Variants in ROBO1 observed in about 807,000 individuals in gnomAD.
ROBO1 encodes the protein roundabout guidance receptor 1.
Under a neutral mutation model 195.9 loss-of-function variants are expected in ROBO1, and 149 were observed. That is an observed-to-expected ratio of 0.76 (90% CI 0.67 to 0.87). ROBO1 has a LOEUF of 0.87. ROBO1 is among the 40% of genes least tolerant of loss of function. The pLI is 0.00. For missense variants in ROBO1, 1,933 were observed against 2,068.3 expected (o/e 0.93, Z 1.27); for synonymous variants, 816 against 733.2 (o/e 1.11, Z -1.82).
chr3:78,989,083 C>G (rs1056507376), intron 3 of ROBO1, among the ~76,000 whole-genome samples: 1 of 152,084 alleles, frequency 6.6e-6, no homozygotes, highest in Non-Finnish European at 1.5e-5. Flanking sequence ...TTCTGGCATT[C>G]TATACCACTG....
intron 28 of ROBO1, among the ~76,000 whole-genome samples, chr3:78,610,076 T>C (rs759746055): frequency 4.6e-5 from 7 of 152,192 alleles, no homozygotes; most frequent in Non-Finnish European, 8.8e-5. Flanking sequence ...GTGGTTTTCA[T>C]GGCTTACCAT....
intron 1 of ROBO1, among the ~76,000 whole-genome samples, chr3:79,766,104 TAGA>T (rs72361123): frequency 0.34 from 51,896 of 151,332 alleles, 9,540 homozygotes; most frequent in African/African-American, 0.49. Context: ...CCTTCATCTA[TAGA>T]AGGAGCCTCC....
At chr3:79,634,025 G>A (rs375025894) in intron 1 of ROBO1, among the ~76,000 whole-genome samples, 3 of 152,158 alleles carry the variant, frequency 2.0e-5, no homozygotes, top group African/African-American at 4.8e-5. Flanking sequence ...GGAGGAAAGA[G>A]TGAGTTTGAA....
chr3:79,394,611 G>A (rs1045264895), intron 2 of ROBO1, among the ~76,000 whole-genome samples: 3 of 151,980 alleles, frequency 2.0e-5, no homozygotes, highest in African/African-American at 4.8e-5. Context: ...AGATATAAGA[G>A]TATTGTGCTT....
chr3:79,190,909 T>C (rs1267680196), intron 2 of ROBO1, among the ~76,000 whole-genome samples: 1 of 151,586 alleles, frequency 6.6e-6, no homozygotes, highest in Non-Finnish European at 1.5e-5. Flanking sequence ...CCCTTTAAGC[T>C]GTTTATAACA....
chr3:79,377,664 C>T (rs6798357), intron 2 of ROBO1, among the ~76,000 whole-genome samples: 88,895 of 151,918 alleles, frequency 0.59, 26,185 homozygotes, highest in African/African-American at 0.62. Flanking sequence ...ATTTTCACTT[C>T]GTAATTCATC....
At chr3:79,158,311 TATATC>T (rs1158902086) in intron 2 of ROBO1, among the ~76,000 whole-genome samples, 5 of 150,852 alleles carry the variant, frequency 3.3e-5, no homozygotes, top group African/African-American at 1.2e-4. Flanking sequence ...AATGATAAAA[TATATC>T]ATATATTTTT....
In ROBO1 at chr3:79,353,202, G is replaced by T. The variant is rs145483562; in HGVS notation, c.89-227663C>A. ...TATTCAATCTCAAAATGTTTAGTTA[G>T]TGACTATTAGATATGATGTATTGTT... On this transcript the variant is annotated intron_variant, in intron 2 of 30. Transcript: ENST00000464233. Among the ~76,000 whole-genome samples the T allele has an allele frequency of 1.8e-3, 280 of 152,158 alleles. 1 individual carries two copies. Among genetic ancestry groups the T allele is most frequent in the Non-Finnish European group, 3.4e-3 (233 of 68,014 alleles).
Position 79,488,582 on chromosome 3 carries a change from G to A in ROBO1, c.88+101242C>T, listed in dbSNP as rs186665002. Among the ~76,000 whole-genome samples, 60 of 152,138 alleles carry A rather than the reference G, an allele frequency of 3.9e-4. No homozygotes were observed. In the East Asian group the frequency reaches 8.7e-3, roughly 22 times the overall value. On this transcript the variant is annotated intron_variant, in intron 2 of 30. Coordinates refer to ENST00000464233, the MANE Select transcript of ROBO1 (RefSeq NM_002941.4). ...AGAAATCATAAAAACCAAAGTACTCGTCTATGGTATGATTTTTAAAAATCT... is the reference window on the plus strand; with the variant it reads ...AGAAATCATAAAAACCAAAGTACTCATCTATGGTATGATTTTTAAAAATCT...
intron 19 of ROBO1, 101 bp downstream of exon 19, chr3:78,651,631 A>C: frequency 1.1e-6 from 1 of 925,388 alleles, no homozygotes; most frequent in South Asian, 2.4e-5. Context: ...TATTAAAACA[A>C]GTTTTAGAGG....
intron 2 of ROBO1, among the ~76,000 whole-genome samples, chr3:79,149,595 G>A (rs1304096590): frequency 6.6e-6 from 1 of 151,670 alleles, no homozygotes; most frequent in Non-Finnish European, 1.5e-5. Context: ...TGTATTAGGT[G>A]AAAGGGACTC....
intron 3 of ROBO1, among the ~76,000 whole-genome samples, chr3:79,054,906 A>T (rs2078774430): frequency 6.6e-6 from 1 of 152,158 alleles, no homozygotes; most frequent in African/African-American, 2.4e-5. Flanking sequence ...CGCAGCCTCC[A>T]GCACAAACAA....
intron 19 of ROBO1, among the ~76,000 whole-genome samples, chr3:78,650,011 C>T (rs189984879): frequency 6.6e-6 from 1 of 152,214 alleles, no homozygotes; most frequent in Admixed American, 6.6e-5. Flanking sequence ...ATTTGCAAAA[C>T]AGAGTTCATG....
At chr3:79,272,937 AG>A (rs2030695855) in intron 2 of ROBO1, among the ~76,000 whole-genome samples, 1 of 152,128 alleles carries the variant, frequency 6.6e-6, no homozygotes, top group Non-Finnish European at 1.5e-5. Flanking sequence ...CTCACAGGCC[AG>A]GGGAGAATGG....
At chr3:78,986,980 T>C (rs1454050247) in intron 3 of ROBO1, among the ~76,000 whole-genome samples, 1 of 152,138 alleles carries the variant, frequency 6.6e-6, no homozygotes, top group Non-Finnish European at 1.5e-5. Flanking sequence ...TATCTCTTTG[T>C]TTTCTTAAAC....
At chr3:79,070,632 T>G (rs180870829) in intron 3 of ROBO1, among the ~76,000 whole-genome samples, 29 of 151,944 alleles carry the variant, frequency 1.9e-4, no homozygotes, top group African/African-American at 6.0e-4. Flanking sequence ...TTTGTGAGGT[T>G]GTTGTATTTT....
chr3:79,084,643 CG>C (rs2079334845), intron 3 of ROBO1, among the ~76,000 whole-genome samples: 1 of 152,114 alleles, frequency 6.6e-6, no homozygotes, highest in African/African-American at 2.4e-5. Flanking sequence ...CTATTATTAT[CG>C]TTTAGCTATA....
Position 78,673,591 on chromosome 3 carries a change from T to C in ROBO1, c.1343-3290A>G, listed in dbSNP as rs1346678850. Among the ~76,000 whole-genome samples the C allele has an allele frequency of 1.6e-4, 14 of 89,804 alleles. No homozygotes were observed. In the East Asian group the frequency reaches 2.5e-3, roughly 16 times the overall value. The allele number at this position is 89,804 out of a possible 152,430, so 58.9% of individuals were successfully genotyped here. ...ATATATATATATATATATATATATATATATATATATATATACACACATATA... is the reference window on the plus strand; with the variant it reads ...ATATATATATATATATATATATATACATATATATATATATACACACATATA... On this transcript the variant is annotated intron_variant, in intron 10 of 30. Coordinates refer to ENST00000464233, the MANE Select transcript of ROBO1 (RefSeq NM_002941.4).
At position 78,717,356 on chromosome 3, in the gene ROBO1, G is replaced by T; in HGVS notation, c.836C>A (p.Ala279Glu). The T allele has an allele frequency of 6.2e-7, 1 of 1,613,252 alleles. No homozygotes were observed. Among genetic ancestry groups the T allele is most frequent in the Non-Finnish European group, 8.5e-7 (1 of 1,179,502 alleles). ...ACCTCGGGCCTCACATTTAAATTCT[G>T]CACTGTCATCCACAGTTACTGCCAA... Reference protein sequence around the residue: ...SNLAVTVDDSAEFKCEARGDP... With the variant: ...SNLAVTVDDSEEFKCEARGDP... Residue 279 changes from alanine (A) to glutamate (E), a missense_variant, in exon 7 of 31, where the codon GCA (alanine) becomes GAA (glutamate). Ala to Glu is a moderately radical substitution (Grantham distance 107). Coordinates refer to ENST00000464233, the MANE Select transcript of ROBO1 (RefSeq NM_002941.4).
Sources: allele counts gnomAD v4.1 joint callset (sites outside exome capture counted in the v4.1 genomes callset), GRCh38; gene constraint gnomAD v4.1.1; transcripts MANE v1.5; gene names NCBI Gene and HGNC (gene_info 2026-07-23, HGNC 2026-07-21).